The following PREP variants were observed in gnomAD, a reference collection of about 807,000 sequenced individuals.
PREP encodes dJ355L5.1 (prolyl endopeptidase).
PREP carries 29 observed loss-of-function variants against 87.6 expected under a neutral mutation model. The observed-to-expected ratio is 0.33, with a 90% CI of 0.25 to 0.45. The LOEUF is 0.45. Ranked by LOEUF, PREP falls within the 20% of genes least tolerant of loss-of-function variation. The pLI, the probability that PREP is intolerant of heterozygous loss-of-function variation, is 1.00. For missense variants in PREP, 695 were observed against 886.5 expected, an observed-to-expected ratio of 0.78 and a Z score of 2.74; for synonymous variants, 337 against 328.6, an observed-to-expected ratio of 1.03 and a Z score of -0.28.
chr6:105,282,355 T>G, intron 13 of PREP, 96 bp downstream of exon 13: 1 of 1,421,686 alleles, frequency 7.0e-7, no homozygotes, highest in Non-Finnish European at 9.5e-7. Context: ...TGTGGTCCTA[T>G]CCACAAAGTT....
rs1289975057 is a variant in PREP at position 105,352,967 on chromosome 6, C to T, written c.823+5G>A. The T allele has an allele frequency of 1.2e-6, 2 of 1,607,202 alleles. No homozygotes were observed. The highest frequency in any genetic ancestry group is 4.5e-5 in the East Asian group (2 of 44,858). The stretch of plus-strand genomic sequence containing the variant: ...TAACTATCTGTGTCTGAAAAAATAA[C>T]TCACCCGCGATGCCACTGGATTCCT... On this transcript the variant is annotated splice_donor_5th_base_variant and intron_variant, in intron 7 of 14. Coordinates refer to ENST00000652536, the MANE Select transcript of PREP (RefSeq NM_002726.5).
chr6:105,394,450 A>C (rs1239651440), intron 2 of PREP, among the ~76,000 whole-genome samples: 1 of 152,204 alleles, frequency 6.6e-6, no homozygotes, highest in East Asian at 1.9e-4. Context: ...AAACTTATTC[A>C]AATCTGTGAG....
chr6:105,377,621 G>T, intron 2 of PREP, 102 bp from the exon 3 acceptor site: 2 of 1,250,622 alleles, frequency 1.6e-6, no homozygotes, highest in Non-Finnish European at 2.3e-6. Context: ...TTGTCTCTTA[G>T]CCAGTGCCTC....
intron 12 of PREP, 21 bp from the exon 13 acceptor site, chr6:105,282,603 A>AGAT (rs1242142887): frequency 1.9e-6 from 3 of 1,605,560 alleles, no homozygotes; most frequent in African/African-American, 1.3e-5. Context: ...CCAAAGTGGA[A>AGAT]GATAGTTAAT....
At chr6:105,329,934 A>G (rs1771280638) in intron 8 of PREP, among the ~76,000 whole-genome samples, 1 of 152,212 alleles carries the variant, frequency 6.6e-6, no homozygotes, top group African/African-American at 2.4e-5. Flanking sequence ...TGCTAGCAAG[A>G]AAAGCACAGC....
intron 2 of PREP, among the ~76,000 whole-genome samples, chr6:105,393,012 T>G (rs1773196676): frequency 6.6e-6 from 1 of 152,238 alleles, no homozygotes; most frequent in Non-Finnish European, 1.5e-5. Flanking sequence ...ATCTTGGATC[T>G]GATGAGTTAA....
rs541297153 is a variant in PREP at position 105,279,270 on chromosome 6, A to G, written c.1839-832T>C. Among the ~76,000 whole-genome samples, 9 of 152,308 alleles carry G rather than the reference A, an allele frequency of 5.9e-5. No individual in the cohort carries two copies. In the South Asian group the frequency reaches 1.9e-3, roughly 32 times the overall value. On this transcript the variant is annotated intron_variant, in intron 14 of 14. Transcript: ENST00000652536. ...GAGTTTTATTTTGAAGGGTAGGTAA[A>G]TAGTGAAAACAGTAAAAATTCTGCT...
intron 2 of PREP, among the ~76,000 whole-genome samples, chr6:105,389,205 A>G (rs988139858): frequency 6.6e-6 from 1 of 152,236 alleles, no homozygotes; most frequent in African/African-American, 2.4e-5. Flanking sequence ...GCTTTGCTGT[A>G]TATGGATTTT....
chr6:105,333,572 G>T, intron 7 of PREP, 67 bp from the exon 8 acceptor site: 1 of 1,485,222 alleles, frequency 6.7e-7, no homozygotes, highest in Non-Finnish European at 9.4e-7. Flanking sequence ...TTGTGTGTAG[G>T]GAGGGGAGGG....
intron 10 of PREP, among the ~76,000 whole-genome samples, chr6:105,308,014 C>G (rs1021911206): frequency 4.6e-5 from 7 of 152,196 alleles, no homozygotes; most frequent in African/African-American, 1.7e-4. Flanking sequence ...CTTTAGCATC[C>G]TTTGGTCTCT....
At chr6:105,378,081 T>C (rs1772735957) in intron 2 of PREP, among the ~76,000 whole-genome samples, 1 of 152,214 alleles carries the variant, frequency 6.6e-6, no homozygotes, top group African/African-American at 2.4e-5. Flanking sequence ...GGCGCTATTT[T>C]ATCGATTTTG....
At chr6:105,383,961 G>T (rs1772918731) in intron 2 of PREP, among the ~76,000 whole-genome samples, 1 of 152,104 alleles carries the variant, frequency 6.6e-6, no homozygotes, top group South Asian at 2.1e-4. Flanking sequence ...GAATAATTCT[G>T]TATCAATGAG....
At chr6:105,334,675 G>T (rs1325753939) in intron 7 of PREP, among the ~76,000 whole-genome samples, 1 of 146,670 alleles carries the variant, frequency 6.8e-6, no homozygotes, top group Non-Finnish European at 1.5e-5. Context: ...CTGAGATTGC[G>T]CCACTTCACT....
At chr6:105,371,547 T>C (rs1241490770) in intron 5 of PREP, among the ~76,000 whole-genome samples, 2 of 137,734 alleles carry the variant, frequency 1.5e-5, no homozygotes, top group African/African-American at 5.4e-5. Flanking sequence ...TGGTTGAATA[T>C]CAAACTGAAA....
At position 105,288,754 on chromosome 6, in the gene PREP, T is replaced by C. The variant is rs769540717; in HGVS notation, c.1454+4A>G. 1 of 1,613,882 alleles carries C rather than the reference T, an allele frequency of 6.2e-7. No individual in the cohort carries two copies. The highest frequency in any genetic ancestry group is 8.5e-7 in the Non-Finnish European group (1 of 1,179,902). ...CTGGCACTCTGAGTGCGTTCCGAGC[T>C]CACCTGTAGTTGGGTGTGATGGATA... On this transcript the variant is annotated splice_donor_region_variant and intron_variant, in intron 11 of 14. Coordinates refer to ENST00000652536, the MANE Select transcript of PREP (RefSeq NM_002726.5).
intron 2 of PREP, among the ~76,000 whole-genome samples, chr6:105,387,186 C>A (rs190861355): frequency 1.3e-5 from 2 of 151,328 alleles, no homozygotes; most frequent in Non-Finnish European, 2.9e-5. Flanking sequence ...CACTGCACTG[C>A]GGCCTGGGTG....
chr6:105,322,801 A>G, intron 10 of PREP: 1 of 1,085,938 alleles, frequency 9.2e-7, no homozygotes. Flanking sequence ...TTTATTCATG[A>G]TCTAGATGTA....
intron 5 of PREP, among the ~76,000 whole-genome samples, chr6:105,373,146 C>A (rs773141174): frequency 5.9e-5 from 9 of 152,226 alleles, no homozygotes; most frequent in Admixed American, 4.6e-4. Context: ...GAAGAACTAC[C>A]TGGCCAACCC....
At chr6:105,386,451 A>G (rs772353374) in intron 2 of PREP, among the ~76,000 whole-genome samples, 1 of 152,188 alleles carries the variant, frequency 6.6e-6, no homozygotes, top group Non-Finnish European at 1.5e-5. Flanking sequence ...CTGGAGCTCC[A>G]GAGAGTCATG....
Sources: gnomAD v4.1 joint callset for allele counts (sites outside exome capture counted in the v4.1 genomes callset) on GRCh38, gnomAD v4.1.1 for gene constraint, MANE v1.5 for transcripts, NCBI Gene and HGNC (gene_info 2026-07-23, HGNC 2026-07-21) for gene names.